The following ZNF462 variants were observed in gnomAD, a reference collection of about 807,000 sequenced individuals.
The protein encoded by ZNF462 is zinc finger PBX1-interacting protein.
Under a neutral mutation model 201.9 loss-of-function variants are expected in ZNF462, and 10 were observed. The ratio of observed to expected loss-of-function variants is 0.05; its 90% confidence interval spans 0.03 to 0.08. The LOEUF is 0.08. Ranked by LOEUF, ZNF462 falls within the 10% of genes least tolerant of loss-of-function variation. ZNF462 has a pLI of 1.00. For missense variants in ZNF462, 2,523 were observed against 3,168.3 expected, an observed-to-expected ratio of 0.80 and a Z score of 4.89; for synonymous variants, 1,227 against 1,193.3, an observed-to-expected ratio of 1.03 and a Z score of -0.58.
In ZNF462 at chr9:106,885,535, C is replaced by T. The variant is rs1828279880; in HGVS notation, c.-31+22180C>T. On this transcript the variant is annotated intron_variant, in intron 1 of 12. Transcript: ENST00000277225. This position sits in a 1 kb window ranked among gnomAD's most constrained non-coding sequence, Gnocchi z 4.1. ...GTTATTTTGAGGAGTTGGACACTAC[C>T]TACTAGGTTCCTAATGCTTACCCAA... Among the ~76,000 whole-genome samples, 1 of 152,110 alleles carries T rather than the reference C, an allele frequency of 6.6e-6. No individual in the cohort carries two copies. Among genetic ancestry groups the T allele is most frequent in the East Asian group, 1.9e-4 (1 of 5,174 alleles).
chr9:106,935,071 C>G lies in ZNF462; in HGVS notation c.6117-432C>G, dbSNP rs558279674. Among the ~76,000 whole-genome samples the G allele has an allele frequency of 5.3e-5, 8 of 152,300 alleles. 1 individual carries two copies. In the South Asian group the frequency reaches 1.7e-3, roughly 32 times the overall value. ...TTAGAATTCAAAAAGAAAGTCAGCTCTTTTCAAATGCTAAATTTCTCTAAT... is the reference window on the plus strand; with the variant it reads ...TTAGAATTCAAAAAGAAAGTCAGCTGTTTTCAAATGCTAAATTTCTCTAAT... On this transcript the variant is annotated intron_variant, in intron 5 of 12. Transcript: ENST00000277225. The surrounding 1 kb of genome is among the most constrained non-coding windows in gnomAD (Gnocchi z 4.1).
intron 1 of ZNF462, among the ~76,000 whole-genome samples, chr9:106,892,053 A>G (rs1273338882): frequency 1.3e-5 from 2 of 152,192 alleles, no homozygotes; most frequent in South Asian, 2.1e-4. Context: ...GTATTTCTCT[A>G]TTGAAAGAGC....
At chr9:106,948,411 GT>G (rs1831200690) in intron 7 of ZNF462, among the ~76,000 whole-genome samples, 2 of 152,200 alleles carry the variant, frequency 1.3e-5, no homozygotes, top group Non-Finnish European at 2.9e-5. Context: ...AACAAGGAAT[GT>G]GCAATGAAAT....
In ZNF462 at chr9:106,863,223, G is replaced by A; in HGVS notation, c.-163G>A. ...GGCGATCCTCCATTGCTGAGACCCG[G>A]CAGAAGCACATGAGACTCCCAAACA... On this transcript the variant is annotated 5_prime_UTR_variant, in exon 1 of 13. Coordinates refer to ENST00000277225, the MANE Select transcript of ZNF462 (RefSeq NM_021224.6). 1 of 399,310 alleles carries A rather than the reference G, an allele frequency of 2.5e-6. No homozygotes were observed. The allele number at this position is 399,310 out of a possible 1,614,324, so 24.7% of individuals were successfully genotyped here. A position where few individuals can be genotyped will look rare whatever the true frequency, so the allele number is the denominator to read the frequency against.
At position 106,929,835 on chromosome 9, in the gene ZNF462, A is replaced by C. The variant is rs928519444; in HGVS notation, c.5847+76A>C. 7.4e-7 allele frequency: 1 copy of C among 1,349,388 alleles called. No homozygotes were observed. Among genetic ancestry groups the C allele is most frequent in the Admixed American group, 2.1e-5 (1 of 47,252 alleles). 83.6% of individuals were successfully genotyped at this position (1,349,388 alleles called of 1,614,324 possible). On this transcript the variant is annotated intron_variant, in intron 3 of 12. Transcript: ENST00000277225. The surrounding 1 kb of genome is among the most constrained non-coding windows in gnomAD (Gnocchi z 8.7). ...TGCCCACATGCACTTCTTCGTTGCC[A>C]GCCAAACTGCTGCAGGCTTCCTAGT...
At chr9:106,873,674 GAT>G (rs1274779894) in intron 1 of ZNF462, among the ~76,000 whole-genome samples, 1 of 152,200 alleles carries the variant, frequency 6.6e-6, no homozygotes, top group Non-Finnish European at 1.5e-5. Context: ...ATGGAGATGT[GAT>G]GAGTGCTTTG....
At chr9:107,001,060 A>G (rs1386659926) in intron 10 of ZNF462, among the ~76,000 whole-genome samples, 3 of 152,126 alleles carry the variant, frequency 2.0e-5, no homozygotes, top group African/African-American at 7.2e-5. Flanking sequence ...CCCACCCCTC[A>G]TGTCCTTTAC....
At chr9:106,976,821 T>C (rs1281818940) in intron 9 of ZNF462, among the ~76,000 whole-genome samples, 2 of 152,256 alleles carry the variant, frequency 1.3e-5, no homozygotes, top group Admixed American at 6.5e-5. Flanking sequence ...GGTGGATGAC[T>C]GTTATCCCCC....
At chr9:106,900,463 T>TA (rs1371757284) in intron 1 of ZNF462, among the ~76,000 whole-genome samples, 3 of 152,142 alleles carry the variant, frequency 2.0e-5, no homozygotes, top group Non-Finnish European at 4.4e-5. Flanking sequence ...TCCACACTGT[T>TA]ACACTGTTTT....
At position 106,939,001 on chromosome 9, in the gene ZNF462, A is replaced by C; in HGVS notation, c.6321A>C (p.Gly2107=). The C allele has an allele frequency of 1.9e-6, 3 of 1,613,962 alleles. No individual in the cohort carries two copies. The highest frequency in any genetic ancestry group is 2.5e-6 in the Non-Finnish European group (3 of 1,179,930). The change falls in exon 7 of 13, where the codon GGA becomes GGC. Residue 2107 remains glycine (G), a synonymous_variant. Transcript: ENST00000277225. ...QLKEHSLKVH[G]KALTLPRPRI... is the part of the protein sequence containing the mutation. ...AGGAACACTCCCTCAAGGTCCACGG[A>C]AAAGCCCTGACCCTCCCCAGGCCAC...
intron 1 of ZNF462, among the ~76,000 whole-genome samples, chr9:106,896,707 T>C (rs1293442646): frequency 4.6e-5 from 7 of 152,190 alleles, no homozygotes; most frequent in Admixed American, 4.6e-4. Context: ...ATTGATGAAA[T>C]ATTTTGTTCA....
In ZNF462 at chr9:106,985,324, G is replaced by A. The variant is rs892707194; in HGVS notation, c.7056+915G>A. Among the ~76,000 whole-genome samples, 3 of 152,114 alleles carry A rather than the reference G, an allele frequency of 2.0e-5. No homozygotes were observed. The South Asian group carries it at 6.2e-4, about 31-fold the overall frequency. On this transcript the variant is annotated intron_variant, in intron 10 of 12. Coordinates refer to ENST00000277225, the MANE Select transcript of ZNF462 (RefSeq NM_021224.6). ...AGTATGTCTGAACATTATAAGGATT[G>A]TAAAATATATGTTTTGGGAGGAAGG... is the stretch of plus-strand genomic sequence containing the variant.
intron 1 of ZNF462, among the ~76,000 whole-genome samples, chr9:106,863,618 AGAG>A (rs953348618): frequency 8.0e-5 from 12 of 149,942 alleles, no homozygotes; most frequent in African/African-American, 1.5e-4. Flanking sequence ...AGGAGGAGGA[AGAG>A]GAGGAGAAGG....
chr9:106,989,364 A>G (rs1029074061), intron 10 of ZNF462, among the ~76,000 whole-genome samples: 1 of 152,132 alleles, frequency 6.6e-6, no homozygotes, highest in African/African-American at 2.4e-5. Flanking sequence ...ACGTTAAACT[A>G]TCCCTGCATC....
chr9:106,912,565 G>A (rs746194429), intron 1 of ZNF462, among the ~76,000 whole-genome samples: 71 of 152,254 alleles, frequency 4.7e-4, no homozygotes, highest in Middle Eastern at 3.4e-3. Context: ...CAACTGACAC[G>A]TATGGAATGT....
rs534232398 is a variant in ZNF462, at chr9:106,926,780, G to A, written c.2868G>A (p.Ala956=). The change falls in exon 3 of 13, where the codon GCG becomes GCA. Residue 956 remains alanine (A), a synonymous_variant. Coordinates refer to ENST00000277225, the MANE Select transcript of ZNF462 (RefSeq NM_021224.6). The surrounding 1 kb of genome is among the most constrained non-coding windows in gnomAD (Gnocchi z 7.9). ...RMHPTVKINN[A]MIFSSYVVEQ... is the part of the protein sequence containing the mutation. Reference sequence around the variant, plus strand: ...ATCCCACGGTGAAGATCAACAACGCGATGATATTTTCAAGCTATGTCGTGG... The same window carrying A: ...ATCCCACGGTGAAGATCAACAACGCAATGATATTTTCAAGCTATGTCGTGG... 9.9e-6 allele frequency: 16 copies of A among 1,614,172 alleles called. No individual in the cohort carries two copies. The African/African-American group carries it at 1.1e-4, about 11-fold the overall frequency.
chr9:106,978,509 G>T lies in ZNF462; in HGVS notation c.6832+4236G>T, dbSNP rs139410248. Among the ~76,000 whole-genome samples, 1 of 151,516 alleles carries T rather than the reference G, an allele frequency of 6.6e-6. No homozygotes were observed. Among genetic ancestry groups the T allele is most frequent in the Non-Finnish European group, 1.5e-5 (1 of 68,024 alleles). On this transcript the variant is annotated intron_variant, in intron 9 of 12. Coordinates refer to ENST00000277225, the MANE Select transcript of ZNF462 (RefSeq NM_021224.6). The surrounding 1 kb of genome is among the most constrained non-coding windows in gnomAD (Gnocchi z 4.1). ...TTAGCAAAGGTTGAAGCAAAGGATT[G>T]GTAGACCCATCTCATTCAGGAACTG...
chr9:106,884,794 C>T (rs1157675306), intron 1 of ZNF462, among the ~76,000 whole-genome samples: 2 of 152,118 alleles, frequency 1.3e-5, no homozygotes, highest in Non-Finnish European at 2.9e-5. Context: ...GGACTTGTTC[C>T]ATATGGCTTC....
rs1828776359 is a variant in ZNF462 at position 106,895,579 on chromosome 9, C to T, written c.-30-27775C>T. On this transcript the variant is annotated intron_variant, in intron 1 of 12. Coordinates refer to ENST00000277225, the MANE Select transcript of ZNF462 (RefSeq NM_021224.6). The surrounding 1 kb of genome is among the most constrained non-coding windows in gnomAD (Gnocchi z 4.4). The stretch of plus-strand genomic sequence containing the variant: ...ATGATAAGAGATCCCTGTTTCTGTC[C>T]GAATGAAGGGAGGGAGGGAAGGCTC... 6.6e-6 allele frequency among the ~76,000 whole-genome samples: 1 copy of T among 152,118 alleles called. No individual in the cohort carries two copies. The highest frequency in any genetic ancestry group is 6.5e-5 in the Admixed American group (1 of 15,276).
Sources: allele counts gnomAD v4.1 joint callset (sites outside exome capture counted in the v4.1 genomes callset), GRCh38; gene constraint gnomAD v4.1.1; non-coding constraint Gnocchi (gnomAD v3.1); transcripts MANE v1.5; gene names NCBI Gene and HGNC (gene_info 2026-07-23, HGNC 2026-07-21).